GSAP: variants seen among roughly 807,000 people sequenced by gnomAD.
GSAP encodes gamma-secretase-activating protein.
In GSAP, 118 loss-of-function variants were observed where a neutral mutation model predicts 131.7. The observed-to-expected ratio is 0.90, with a 90% CI of 0.77 to 1.04. The LOEUF (loss-of-function observed/expected upper bound fraction) is 1.04. Among genes scored for constraint, GSAP ranks in the 50% least tolerant of loss-of-function variants. GSAP has a pLI of 0.00. For synonymous variants in GSAP, 381 were observed against 363.4 expected (o/e 1.05, Z -0.55); for missense variants, 1,019 against 1,013.2 (o/e 1.01, Z -0.08).
chr7:77,414,844 C>CTTTTTTTTTTTTTTTTTTTTTT lies in GSAP; in HGVS notation c.109+1347_109+1368dup, dbSNP rs57095326. On this transcript the variant is annotated intron_variant, in intron 1 of 30. Coordinates refer to ENST00000257626, the MANE Select transcript of GSAP (RefSeq NM_017439.4). Reference sequence around the variant, plus strand: ...AAAAACTTTTCAGACATGTGGGCGACTTTTTTTTTTTTTTTTTTTTTTTTT... The same window carrying CTTTTTTTTTTTTTTTTTTTTTT: ...AAAAACTTTTCAGACATGTGGGCGACTTTTTTTTTTTTTTTTTTTTTTTTTTTTTTTTTTTTTTTTTTTTTTT... Among the ~76,000 whole-genome samples, 12 of 59,876 alleles carry CTTTTTTTTTTTTTTTTTTTTTT rather than the reference C, an allele frequency of 2.0e-4. 3 individuals carry two copies. Among genetic ancestry groups the CTTTTTTTTTTTTTTTTTTTTTT allele is most frequent in the East Asian group, 1.4e-3 (2 of 1,454 alleles). The allele number at this position is 59,876 out of a possible 152,430, so 39.3% of individuals were successfully genotyped here. A position where few individuals can be genotyped will look rare whatever the true frequency, so the allele number is the denominator to read the frequency against.
chr7:77,387,316 C>G (rs778398195), intron 6 of GSAP, 44 bp downstream of exon 6: 22 of 955,658 alleles, frequency 2.3e-5, no homozygotes, highest in Non-Finnish European at 3.4e-5. Flanking sequence ...AGGCTGCATG[C>G]CTTTTGATTA....
chr7:77,373,934 A>G lies in GSAP; in HGVS notation c.871+136T>C, dbSNP rs550608579. On this transcript the variant is annotated intron_variant, in intron 12 of 30. Transcript: ENST00000257626. Reference sequence around the variant, plus strand: ...TTTAAAATTAATGAAGATTTGATACATGACAATCCATATGATCACCGACAT... The same window carrying G: ...TTTAAAATTAATGAAGATTTGATACGTGACAATCCATATGATCACCGACAT... The G allele has an allele frequency of 4.5e-5, 29 of 647,526 alleles. No individual in the cohort carries two copies. In the African/African-American group the frequency reaches 4.8e-4, roughly 11 times the overall value. 40.1% of individuals were successfully genotyped at this position (647,526 alleles called of 1,614,324 possible).
At chr7:77,332,373 T>A (rs962457191) in intron 19 of GSAP, among the ~76,000 whole-genome samples, 2 of 152,220 alleles carry the variant, frequency 1.3e-5, no homozygotes, top group Non-Finnish European at 1.5e-5. Context: ...TGTATATATT[T>A]ATGGGTTGCA....
intron 23 of GSAP, among the ~76,000 whole-genome samples, chr7:77,324,122 A>C (rs193124436): frequency 6.6e-6 from 1 of 152,198 alleles, no homozygotes; most frequent in Non-Finnish European, 1.5e-5. Context: ...ACAACTCTAT[A>C]TATAGAATGA....
chr7:77,377,930 A>G (rs565912375), intron 8 of GSAP, among the ~76,000 whole-genome samples: 2 of 152,214 alleles, frequency 1.3e-5, no homozygotes, highest in Non-Finnish European at 2.9e-5. Flanking sequence ...CCCATCTCTC[A>G]GCAATACTTA....
Position 77,340,267 on chromosome 7 carries a change from C to G in GSAP, c.1545+9084G>C, listed in dbSNP as rs1407578475. ...AGTCCCACCCCTCTATCTCCTTTCG[C>G]TGACTCTTTTTGGACTCAGCCCACC... On this transcript the variant is annotated intron_variant, in intron 19 of 30. Transcript: ENST00000257626. 3.9e-5 allele frequency among the ~76,000 whole-genome samples: 6 copies of G among 152,176 alleles called. No individual in the cohort carries two copies. The East Asian group carries it at 1.2e-3, about 29-fold the overall frequency.
intron 1 of GSAP, among the ~76,000 whole-genome samples, chr7:77,410,119 G>A (rs76772108): frequency 0.064 from 9,792 of 152,230 alleles, 419 homozygotes; most frequent in Non-Finnish European, 0.09. Context: ...ATTTGTTAGA[G>A]GGCATAACTT....
chr7:77,341,086 C>T (rs1444662806), intron 19 of GSAP, among the ~76,000 whole-genome samples: 2 of 152,168 alleles, frequency 1.3e-5, no homozygotes, highest in African/African-American at 4.8e-5. Flanking sequence ...AGCCAGAAAA[C>T]AGCACTTTTG....
chr7:77,389,261 T>TA (rs1799051189), intron 5 of GSAP, among the ~76,000 whole-genome samples: 1 of 151,650 alleles, frequency 6.6e-6, no homozygotes, highest in Non-Finnish European at 1.5e-5. Flanking sequence ...TATATATATA[T>TA]TTTTTTGACC....
At chr7:77,402,409 A>ATAT (rs200688975) in intron 3 of GSAP, among the ~76,000 whole-genome samples, 11 of 132,736 alleles carry the variant, frequency 8.3e-5, no homozygotes, top group African/African-American at 2.8e-4. Context: ...AAAGAAAAAA[A>ATAT]AAATATATAT....
At chr7:77,331,088 C>A (rs1379578378) in intron 19 of GSAP, among the ~76,000 whole-genome samples, 2 of 151,942 alleles carry the variant, frequency 1.3e-5, no homozygotes, top group Non-Finnish European at 2.9e-5. Context: ...CTGAGGTGGG[C>A]GGATCACGAA....
intron 19 of GSAP, among the ~76,000 whole-genome samples, chr7:77,346,286 A>G (rs1342996131): frequency 6.6e-6 from 1 of 150,754 alleles, no homozygotes; most frequent in Non-Finnish European, 1.5e-5. Context: ...AAAAAAAAAA[A>G]AAAAGAAAGA....
intron 6 of GSAP, among the ~76,000 whole-genome samples, chr7:77,383,355 T>A (rs1006641896): frequency 1.3e-5 from 2 of 151,926 alleles, no homozygotes; most frequent in Non-Finnish European, 2.9e-5. Flanking sequence ...GAGGTCGATA[T>A]AGTCGTTGTG....
At chr7:77,391,794 C>G (rs1187639451) in intron 5 of GSAP, among the ~76,000 whole-genome samples, 1 of 152,188 alleles carries the variant, frequency 6.6e-6, no homozygotes, top group Non-Finnish European at 1.5e-5. Context: ...ATAAGAATGT[C>G]AGTGCACCCC....
chr7:77,383,698 G>A (rs1229154401), intron 6 of GSAP, among the ~76,000 whole-genome samples: 3 of 152,186 alleles, frequency 2.0e-5, no homozygotes, highest in Admixed American at 2.0e-4. Flanking sequence ...ACTGGTCACA[G>A]GATGACTCAA....
chr7:77,332,658 T>G (rs1344976593), intron 19 of GSAP, among the ~76,000 whole-genome samples: 1 of 152,092 alleles, frequency 6.6e-6, no homozygotes, highest in Non-Finnish European at 1.5e-5. Flanking sequence ...AGATCTGAAT[T>G]TAAAATAAAA....
chr7:77,414,002 A>G (rs541430874), intron 1 of GSAP, among the ~76,000 whole-genome samples: 1 of 152,348 alleles, frequency 6.6e-6, no homozygotes, highest in East Asian at 1.9e-4. Flanking sequence ...AAATGCAGTA[A>G]CCAAATCTGT....
intron 26 of GSAP, 71 bp from the exon 27 acceptor site, chr7:77,314,560 A>G: frequency 6.4e-7 from 1 of 1,568,590 alleles, no homozygotes; most frequent in Non-Finnish European, 8.7e-7. Flanking sequence ...AATGGATTAG[A>G]TCATGTTAAT....
intron 10 of GSAP, 70 bp downstream of exon 10, chr7:77,376,778 A>AAG (rs1796943512): frequency 2.4e-6 from 1 of 424,628 alleles, no homozygotes; most frequent in African/African-American, 3.2e-5. Flanking sequence ...TCCATCTCAA[A>AAG]AAAAAAAAAA....
Sources: gnomAD v4.1 joint callset for allele counts (sites outside exome capture counted in the v4.1 genomes callset) on GRCh38, gnomAD v4.1.1 for gene constraint, MANE v1.5 for transcripts, NCBI Gene and HGNC (gene_info 2026-07-23, HGNC 2026-07-21) for gene names.